The following KCND3 variants were observed in gnomAD, a reference collection of about 807,000 sequenced individuals.
The protein encoded by KCND3 is potassium voltage-gated channel subfamily D member 3.
A neutral mutation model predicts 51.1 loss-of-function variants in KCND3; 9 were observed. The observed-to-expected ratio is 0.18, with a 90% CI of 0.11 to 0.31. The LOEUF (loss-of-function observed/expected upper bound fraction) is 0.31. KCND3 is among the 10% of genes least tolerant of loss of function. KCND3 has a pLI of 1.00. For missense variants in KCND3, 526 were observed against 903.8 expected, an observed-to-expected ratio of 0.58 and a Z score of 5.36; for synonymous variants, 349 against 368.0, an observed-to-expected ratio of 0.95 and a Z score of 0.59.
At chr1:111,955,749 T>A (rs570282928) in intron 2 of KCND3, among the ~76,000 whole-genome samples, 1 of 152,316 alleles carries the variant, frequency 6.6e-6, no homozygotes, top group Admixed American at 6.5e-5. Context: ...TTTTAGTTTT[T>A]GAATCATATG....
At chr1:111,891,506 G>A (rs996269995) in intron 2 of KCND3, among the ~76,000 whole-genome samples, 2 of 152,138 alleles carry the variant, frequency 1.3e-5, no homozygotes, top group African/African-American at 2.4e-5. Flanking sequence ...ATGCACAGAC[G>A]GTATGTGCCC....
At chr1:111,852,180 GC>G (rs1667847585) in intron 2 of KCND3, among the ~76,000 whole-genome samples, 1 of 152,242 alleles carries the variant, frequency 6.6e-6, no homozygotes, top group African/African-American at 2.4e-5. Flanking sequence ...TATTCCAGGT[GC>G]TGAAAGCACT....
At position 111,982,235 on chromosome 1, in the gene KCND3, G is replaced by C. The variant is rs1170371506; in HGVS notation, c.492C>G (p.Ser164Arg). Residue 164 changes from serine (S) to arginine (R), a missense_variant, in exon 2 of 8, where the codon AGC becomes AGG. Around this residue, in one of 5 missense-constraint regions of KCND3, gnomAD observed 159 missense variants for 262.8 expected, o/e 0.61. Coordinates refer to ENST00000302127, the MANE Select transcript of KCND3 (RefSeq NM_001378969.1). This position sits in a 1 kb window ranked among gnomAD's most constrained non-coding sequence, Gnocchi z 8.5. The part of the protein sequence containing the change: ...ENNQESMPSL[S>R]FRQTMWRAFE... ...AGGCCCGCCACATGGTCTGGCGGAAGCTGAGCGAGGGCATGGACTCCTGGT... is the reference window on the plus strand; with the variant it reads ...AGGCCCGCCACATGGTCTGGCGGAACCTGAGCGAGGGCATGGACTCCTGGT... The C allele has an allele frequency of 6.2e-7, 1 of 1,613,998 alleles. No individual in the cohort carries two copies. Among genetic ancestry groups the C allele is most frequent in the South Asian group, 1.1e-5 (1 of 91,078 alleles).
intron 3 of KCND3, among the ~76,000 whole-genome samples, chr1:111,785,560 G>T (rs536025900): frequency 1.3e-5 from 2 of 152,250 alleles, no homozygotes; most frequent in South Asian, 4.1e-4. Context: ...GCAGGGCAAG[G>T]AGCCAACCAT....
At chr1:111,938,867 G>A (rs537182406) in intron 2 of KCND3, among the ~76,000 whole-genome samples, 2 of 152,330 alleles carry the variant, frequency 1.3e-5, no homozygotes, top group East Asian at 3.9e-4. Context: ...TGGGTCCTGA[G>A]CAGAGGAGGG....
intron 2 of KCND3, among the ~76,000 whole-genome samples, chr1:111,801,507 G>A (rs767006414): frequency 2.0e-5 from 3 of 152,170 alleles, no homozygotes; most frequent in African/African-American, 7.2e-5. Context: ...CAGCTGGGAC[G>A]TGGTTGAGGT....
intron 2 of KCND3, among the ~76,000 whole-genome samples, chr1:111,940,073 G>GTTTTTTGTTTTTTTT (rs1672426664): frequency 1.2e-5 from 1 of 85,472 alleles, no homozygotes; most frequent in Non-Finnish European, 2.1e-5. Context: ...CTTTTTGATG[G>GTTTTTTGTTTTTTTT]TTTTTTTTTT....
At chr1:111,818,251 G>C (rs924851784) in intron 2 of KCND3, among the ~76,000 whole-genome samples, 1 of 152,212 alleles carries the variant, frequency 6.6e-6, no homozygotes, top group African/African-American at 2.4e-5. Context: ...CCAGGGCTGG[G>C]AGGACTGAAG....
intron 2 of KCND3, among the ~76,000 whole-genome samples, chr1:111,794,418 C>T (rs563629366): frequency 7.0e-4 from 106 of 152,282 alleles, no homozygotes; most frequent in Non-Finnish European, 1.1e-3. Context: ...GGGCACTGGC[C>T]GGTTAGGGCC....
At chr1:111,911,525 T>A (rs1165242307) in intron 2 of KCND3, among the ~76,000 whole-genome samples, 1 of 152,186 alleles carries the variant, frequency 6.6e-6, no homozygotes, top group Non-Finnish European at 1.5e-5. Context: ...GTTTATTGAG[T>A]ACCAAATCCA....
chr1:111,866,652 G>A (rs928482356), intron 2 of KCND3, among the ~76,000 whole-genome samples: 1 of 146,094 alleles, frequency 6.8e-6, no homozygotes, highest in Non-Finnish European at 1.5e-5. Flanking sequence ...TGTTATTTTG[G>A]GTCACAAACG....
chr1:111,976,705 T>G (rs1674649158), intron 2 of KCND3, among the ~76,000 whole-genome samples: 1 of 152,214 alleles, frequency 6.6e-6, no homozygotes, highest in Admixed American at 6.5e-5. Context: ...ACCCAGCTCC[T>G]GGAGGTGACG....
intron 2 of KCND3, among the ~76,000 whole-genome samples, chr1:111,973,880 A>T (rs1674479000): frequency 6.6e-6 from 1 of 152,240 alleles, no homozygotes; most frequent in Admixed American, 6.5e-5. Flanking sequence ...TTACAGCATC[A>T]CATTACAAAG....
chr1:111,886,277 C>G (rs1669569023), intron 2 of KCND3, among the ~76,000 whole-genome samples: 1 of 152,148 alleles, frequency 6.6e-6, no homozygotes, highest in Admixed American at 6.5e-5. Flanking sequence ...AGGGAAATGG[C>G]CCATTGTACT....
intron 2 of KCND3, among the ~76,000 whole-genome samples, chr1:111,873,300 C>T (rs79330097): frequency 0.032 from 4,800 of 152,280 alleles, 106 homozygotes; most frequent in Non-Finnish European, 0.048. Flanking sequence ...CCTCAGGAGA[C>T]AGAAATCTAG....
At chr1:111,789,964 A>T (rs1291564275) in intron 2 of KCND3, among the ~76,000 whole-genome samples, 3 of 152,204 alleles carry the variant, frequency 2.0e-5, no homozygotes, top group Non-Finnish European at 4.4e-5. Flanking sequence ...CTTCTCAAAG[A>T]TTACCAACTA....
At chr1:111,923,579 G>A (rs1040338756) in intron 2 of KCND3, among the ~76,000 whole-genome samples, 1 of 152,184 alleles carries the variant, frequency 6.6e-6, no homozygotes, top group Non-Finnish European at 1.5e-5. Flanking sequence ...GAGAGGGAGT[G>A]TGTGTGACCT....
At chr1:111,815,949 C>T (rs943592586) in intron 2 of KCND3, among the ~76,000 whole-genome samples, 2 of 152,088 alleles carry the variant, frequency 1.3e-5, no homozygotes, top group Non-Finnish European at 2.9e-5. Flanking sequence ...CCAGCAGTGA[C>T]TCCTAGGACC....
intron 2 of KCND3, among the ~76,000 whole-genome samples, chr1:111,788,577 T>A (rs1453309516): frequency 1.3e-5 from 2 of 152,246 alleles, no homozygotes; most frequent in East Asian, 3.8e-4. Flanking sequence ...GTCTTCCTTC[T>A]CCTTCAGTGT....
Sources: allele counts gnomAD v4.1 joint callset (sites outside exome capture counted in the v4.1 genomes callset), GRCh38; gene constraint gnomAD v4.1.1; regional missense constraint gnomAD v4.1.1; non-coding constraint Gnocchi (gnomAD v3.1); transcripts MANE v1.5; gene names NCBI Gene and HGNC (gene_info 2026-07-23, HGNC 2026-07-21).